The following FNDC3B variants were observed in gnomAD, a reference collection of about 807,000 sequenced individuals.
The protein encoded by FNDC3B is fibronectin type III domain-containing protein 3B.
A neutral mutation model predicts 151.5 loss-of-function variants in FNDC3B; 12 were observed. That is an observed-to-expected ratio of 0.08 (90% CI 0.05 to 0.13). The LOEUF is 0.13. Among genes scored for constraint, FNDC3B ranks in the 10% least tolerant of loss-of-function variants. FNDC3B has a pLI of 1.00. For missense variants in FNDC3B, 1,214 were observed against 1,505.3 expected, an observed-to-expected ratio of 0.81 and a Z score of 3.20; for synonymous variants, 528 against 549.0, an observed-to-expected ratio of 0.96 and a Z score of 0.54.
At chr3:172,301,896 T>C (rs545931444) in intron 9 of FNDC3B, 1 of 152,254 alleles carries the variant, frequency 6.6e-6, no homozygotes, top group Admixed American at 6.5e-5. Flanking sequence ...TTCCTTGCCA[T>C]TTTTGTTTGT....
chr3:172,098,264 A>G (rs1719190044), intron 1 of FNDC3B, among the ~76,000 whole-genome samples: 1 of 152,196 alleles, frequency 6.6e-6, no homozygotes, highest in African/African-American at 2.4e-5. Flanking sequence ...TTTAGTATTG[A>G]ATTGCCAAAA....
intron 2 of FNDC3B, among the ~76,000 whole-genome samples, chr3:172,130,366 A>G (rs1268262549): frequency 6.6e-6 from 1 of 152,200 alleles, no homozygotes; most frequent in Non-Finnish European, 1.5e-5. Flanking sequence ...GTAACTTGGT[A>G]GATTATAATC....
In FNDC3B at chr3:172,350,057, A is replaced by G. The variant is rs538939757; in HGVS notation, c.2514+2696A>G. Among the ~76,000 whole-genome samples, 18 of 152,274 alleles carry G rather than the reference A, an allele frequency of 1.2e-4. 1 individual carries two copies. In the South Asian group the frequency reaches 3.3e-3, roughly 28 times the overall value. Reference sequence around the variant, plus strand: ...AGATAGACAGAAATTTCTCTGTACTATTTTTGCAACTTTTCTGTAAGTATA... The same window carrying G: ...AGATAGACAGAAATTTCTCTGTACTGTTTTTGCAACTTTTCTGTAAGTATA... On this transcript the variant is annotated intron_variant, in intron 21 of 25. Transcript: ENST00000415807.
At chr3:172,156,948 G>T (rs1402866669) in intron 3 of FNDC3B, among the ~76,000 whole-genome samples, 1 of 152,122 alleles carries the variant, frequency 6.6e-6, no homozygotes, top group Non-Finnish European at 1.5e-5. Context: ...TCTAATAACA[G>T]TGCTTTTAAG....
intron 2 of FNDC3B, among the ~76,000 whole-genome samples, chr3:172,113,292 A>G (rs1242378706): frequency 6.6e-6 from 1 of 152,224 alleles, no homozygotes; most frequent in Non-Finnish European, 1.5e-5. Context: ...ATAAAAGCGA[A>G]TTTTTATTTT....
chr3:172,398,847 G>C lies in FNDC3B; in HGVS notation c.*1372G>C, dbSNP rs528362440. 3 of 152,696 alleles carry C rather than the reference G, an allele frequency of 2.0e-5. No homozygotes were observed. The South Asian group carries it at 6.2e-4, about 32-fold the overall frequency. 9.5% of individuals were successfully genotyped at this position (152,696 alleles called of 1,614,324 possible). On this transcript the variant is annotated 3_prime_UTR_variant, in exon 26 of 26. Transcript: ENST00000415807. ...GGAGTGCAAAGTGTTACTCTTACGT[G>C]TTTATTTTGAGTCATGAGATAATCA...
chr3:172,234,427 A>G (rs998920209), intron 4 of FNDC3B, among the ~76,000 whole-genome samples: 1 of 152,212 alleles, frequency 6.6e-6, no homozygotes, highest in Non-Finnish European at 1.5e-5. Flanking sequence ...AGTGATTTTT[A>G]TCTCATGGAG....
At chr3:172,072,207 C>T (rs866663309) in intron 1 of FNDC3B, among the ~76,000 whole-genome samples, 7 of 148,414 alleles carry the variant, frequency 4.7e-5, no homozygotes, top group African/African-American at 2.5e-5. Context: ...GCTAGTGTGA[C>T]TGAGAAATAG....
At chr3:172,210,552 T>C (rs1457940235) in intron 3 of FNDC3B, among the ~76,000 whole-genome samples, 2 of 151,066 alleles carry the variant, frequency 1.3e-5, no homozygotes, top group Non-Finnish European at 3.0e-5. Context: ...ATCTCACTTC[T>C]TTTTTTTTGC....
At chr3:172,388,465 A>T (rs905520440) in intron 25 of FNDC3B, among the ~76,000 whole-genome samples, 1 of 152,176 alleles carries the variant, frequency 6.6e-6, no homozygotes, top group African/African-American at 2.4e-5. Flanking sequence ...TTACTTCAAT[A>T]AAAAAAATCT....
chr3:172,065,590 GT>G (rs1717458257), intron 1 of FNDC3B, among the ~76,000 whole-genome samples: 1 of 152,218 alleles, frequency 6.6e-6, no homozygotes, highest in South Asian at 2.1e-4. Flanking sequence ...TTTACTATAT[GT>G]GTAAAACTCC....
At chr3:172,090,348 C>T (rs1006388078) in intron 1 of FNDC3B, among the ~76,000 whole-genome samples, 1 of 152,126 alleles carries the variant, frequency 6.6e-6, no homozygotes. Context: ...GAATCTTTCT[C>T]AACTCTGCAC....
chr3:172,167,486 G>A (rs372415287), intron 3 of FNDC3B, among the ~76,000 whole-genome samples: 4 of 152,222 alleles, frequency 2.6e-5, no homozygotes, highest in Non-Finnish European at 5.9e-5. Flanking sequence ...GCCCTGGCAC[G>A]TGGATATACT....
At chr3:172,082,012 A>T (rs1461618176) in intron 1 of FNDC3B, among the ~76,000 whole-genome samples, 1 of 152,230 alleles carries the variant, frequency 6.6e-6, no homozygotes, top group Non-Finnish European at 1.5e-5. Flanking sequence ...AGTACATTTG[A>T]CACTTTGATA....
chr3:172,104,448 A>C (rs954034811), intron 1 of FNDC3B, among the ~76,000 whole-genome samples: 1 of 151,852 alleles, frequency 6.6e-6, no homozygotes, highest in Non-Finnish European at 1.5e-5. Flanking sequence ...GGGATGTGAA[A>C]AATTCTAATA....
intron 3 of FNDC3B, among the ~76,000 whole-genome samples, chr3:172,202,203 T>C (rs1477414023): frequency 6.6e-6 from 1 of 152,164 alleles, no homozygotes; most frequent in African/African-American, 2.4e-5. Flanking sequence ...ACCCTTTTTT[T>C]CCTCCCTCTC....
intron 6 of FNDC3B, among the ~76,000 whole-genome samples, chr3:172,280,543 GA>G (rs879718762): frequency 6.6e-6 from 1 of 152,166 alleles, no homozygotes; most frequent in Non-Finnish European, 1.5e-5. Context: ...TTATGACAGG[GA>G]TATCTACAAA....
At chr3:172,377,048 C>G (rs1045377716) in intron 23 of FNDC3B, among the ~76,000 whole-genome samples, 2 of 152,200 alleles carry the variant, frequency 1.3e-5, no homozygotes, top group African/African-American at 4.8e-5. Flanking sequence ...ATTCATCTTT[C>G]AAATCCGCAG....
intron 3 of FNDC3B, among the ~76,000 whole-genome samples, chr3:172,183,888 A>C (rs1373129913): frequency 3.3e-5 from 5 of 152,014 alleles, no homozygotes; most frequent in African/African-American, 1.2e-4. Context: ...CCTATCCTTA[A>C]GTTTTGGCAT....
Sources: allele counts gnomAD v4.1 joint callset (sites outside exome capture counted in the v4.1 genomes callset), GRCh38; gene constraint gnomAD v4.1.1; transcripts MANE v1.5; gene names NCBI Gene and HGNC (gene_info 2026-07-23, HGNC 2026-07-21).